The following WWC1 variants were observed in gnomAD, a reference collection of about 807,000 sequenced individuals.
WWC1 encodes the protein WW and C2 domain containing 1, also known as protein KIBRA.
Under a neutral mutation model 138.4 loss-of-function variants are expected in WWC1, and 55 were observed. That is an observed-to-expected ratio of 0.40 (90% CI 0.32 to 0.50). The LOEUF (loss-of-function observed/expected upper bound fraction) is 0.50. Ranked by LOEUF, WWC1 falls within the 20% of genes least tolerant of loss-of-function variation. The pLI is 0.72. For missense variants in WWC1, 1,226 were observed against 1,420.4 expected, an observed-to-expected ratio of 0.86 and a Z score of 2.20; for synonymous variants, 524 against 564.9, an observed-to-expected ratio of 0.93 and a Z score of 1.03.
At chr5:168,368,263 T>C (rs1776481517) in intron 1 of WWC1, among the ~76,000 whole-genome samples, 1 of 152,060 alleles carries the variant, frequency 6.6e-6, no homozygotes. Context: ...GCCAGAACAC[T>C]TCATCTTTTT....
intron 1 of WWC1, among the ~76,000 whole-genome samples, chr5:168,341,582 A>G (rs77611348): frequency 0.025 from 3,810 of 152,196 alleles, 87 homozygotes; most frequent in Middle Eastern, 0.051. Context: ...AAAGGCTGCT[A>G]TGCTTTAGAT....
intron 1 of WWC1, among the ~76,000 whole-genome samples, chr5:168,300,499 G>T (rs1250267654): frequency 1.4e-5 from 2 of 144,050 alleles, no homozygotes; most frequent in African/African-American, 5.2e-5. Context: ...TCTCACTGTT[G>T]GGAAGAAATG....
chr5:168,326,867 G>A (rs1363075071), intron 1 of WWC1, among the ~76,000 whole-genome samples: 2 of 150,966 alleles, frequency 1.3e-5, no homozygotes, highest in Non-Finnish European at 1.5e-5. Context: ...CGCATTTGTA[G>A]AAACCTAGAA....
intron 1 of WWC1, among the ~76,000 whole-genome samples, chr5:168,363,991 T>C (rs1776092736): frequency 6.6e-6 from 1 of 152,130 alleles, no homozygotes; most frequent in African/African-American, 2.4e-5. Flanking sequence ...AAGGGTGATG[T>C]GATTCTTCAC....
At chr5:168,313,300 G>A (rs4331926) in intron 1 of WWC1, among the ~76,000 whole-genome samples, 52,720 of 151,744 alleles carry the variant, frequency 0.35, 9,553 homozygotes, top group Admixed American at 0.41. Context: ...TATTAGAAAT[G>A]CAGAATCCCA....
chr5:168,300,832 C>T (rs764576149), intron 1 of WWC1, among the ~76,000 whole-genome samples: 7 of 152,112 alleles, frequency 4.6e-5, no homozygotes, highest in South Asian at 4.1e-4. Flanking sequence ...GATCCACTGA[C>T]GGGTAACAGA....
At chr5:168,339,332 C>T (rs1561629179) in intron 1 of WWC1, among the ~76,000 whole-genome samples, 1 of 152,136 alleles carries the variant, frequency 6.6e-6, no homozygotes, top group South Asian at 2.1e-4. Context: ...TCTTCCTTCC[C>T]CCTAGCTAGT....
At chr5:168,440,890 G>A (rs74828715) in intron 15 of WWC1, among the ~76,000 whole-genome samples, 344 of 152,298 alleles carry the variant, frequency 2.3e-3, no homozygotes, top group Non-Finnish European at 3.7e-3. Flanking sequence ...TGAAGAGGTA[G>A]AAGTAACCCA....
intron 21 of WWC1, among the ~76,000 whole-genome samples, chr5:168,466,874 T>C (rs975367336): frequency 7.9e-5 from 12 of 151,792 alleles, no homozygotes; most frequent in African/African-American, 2.2e-4. Context: ...ATATGTGCCC[T>C]GACTTAAGAA....
intron 2 of WWC1, among the ~76,000 whole-genome samples, chr5:168,379,380 C>T (rs991820532): frequency 1.7e-4 from 26 of 152,180 alleles, no homozygotes; most frequent in Middle Eastern, 3.4e-3. Context: ...CAGTTCAGAA[C>T]TAACGGCATT....
At chr5:168,389,028 A>G (rs1778257514) in intron 3 of WWC1, among the ~76,000 whole-genome samples, 4 of 152,150 alleles carry the variant, frequency 2.6e-5, no homozygotes, top group Admixed American at 2.6e-4. Context: ...TTTAAAATTC[A>G]TGGCTCTAAG....
intron 1 of WWC1, among the ~76,000 whole-genome samples, chr5:168,364,860 G>T (rs1046957854): frequency 6.6e-6 from 1 of 152,122 alleles, no homozygotes; most frequent in African/African-American, 2.4e-5. Context: ...TTTGCTTCTG[G>T]CTGGGGTGCA....
intron 12 of WWC1, 125 bp from the exon 13 acceptor site, chr5:168,428,582 A>T (rs563731462): frequency 8.6e-4 from 744 of 867,640 alleles, no homozygotes; most frequent in South Asian, 1.4e-3. Flanking sequence ...ATTAAAATTT[A>T]AAAAAGGACC....
chr5:168,339,667 G>A (rs1773805250), intron 1 of WWC1, among the ~76,000 whole-genome samples: 1 of 152,154 alleles, frequency 6.6e-6, no homozygotes, highest in Admixed American at 6.5e-5. Context: ...TTGTAACTTA[G>A]CAGACTATCC....
At chr5:168,333,836 G>A (rs1773231417) in intron 1 of WWC1, among the ~76,000 whole-genome samples, 1 of 151,954 alleles carries the variant, frequency 6.6e-6, no homozygotes, top group Non-Finnish European at 1.5e-5. Flanking sequence ...CCTTCAAGAT[G>A]AACTCATTAC....
chr5:168,430,062 C>T (rs779402710), intron 13 of WWC1, 75 bp from the exon 14 acceptor site: 161 of 1,256,372 alleles, frequency 1.3e-4, no homozygotes, highest in Non-Finnish European at 1.8e-4. Context: ...CGTCCTGTGA[C>T]TTTTAATGGA....
chr5:168,376,665 G>A (rs10064050), intron 2 of WWC1, among the ~76,000 whole-genome samples: 2,047 of 149,410 alleles, frequency 0.014, 39 homozygotes, highest in African/African-American at 0.047. Context: ...AATCAAGAAC[G>A]CAATCCCATT....
intron 5 of WWC1, among the ~76,000 whole-genome samples, chr5:168,403,059 TTTC>T (rs1561712347): frequency 1.1e-4 from 14 of 129,590 alleles, no homozygotes; most frequent in South Asian, 2.4e-4. Context: ...TCTTTCTTTC[TTTC>T]TTTCTTTCTT....
At chr5:168,377,885 A>G (rs1175024127) in intron 2 of WWC1, among the ~76,000 whole-genome samples, 3 of 152,236 alleles carry the variant, frequency 2.0e-5, no homozygotes, top group Admixed American at 2.0e-4. Context: ...TTTTTCAAAG[A>G]ACTTAGAACT....
Sources: allele counts gnomAD v4.1 joint callset (sites outside exome capture counted in the v4.1 genomes callset), GRCh38; gene constraint gnomAD v4.1.1; transcripts MANE v1.5; gene names NCBI Gene and HGNC (gene_info 2026-07-23, HGNC 2026-07-21).